GRIN3A: variants seen among roughly 807,000 people sequenced by gnomAD.
The protein encoded by GRIN3A is glutamate receptor ionotropic, NMDA 3A.
In GRIN3A, 47 loss-of-function variants were observed where a neutral mutation model predicts 92.4. That is an observed-to-expected ratio of 0.51 (90% CI 0.40 to 0.65). GRIN3A has a LOEUF of 0.65. Among genes scored for constraint, GRIN3A ranks in the 30% least tolerant of loss-of-function variants. GRIN3A has a pLI of 0.00. For synonymous variants in GRIN3A, 527 were observed against 540.6 expected, an observed-to-expected ratio of 0.97 and a Z score of 0.35; for missense variants, 1,324 against 1,393.1, an observed-to-expected ratio of 0.95 and a Z score of 0.79.
In GRIN3A at chr9:101,573,196, G is replaced by C; in HGVS notation, c.3326C>G (p.Thr1109Arg). The C allele has an allele frequency of 2.5e-6, 4 of 1,614,070 alleles. No individual in the cohort carries two copies. Among genetic ancestry groups the C allele is most frequent in the Non-Finnish European group, 3.4e-6 (4 of 1,179,950 alleles). ...CACCTAGGACTCACAAGTCCGACTT[G>C]TCCTTTGATACTCCTCCAGCTCCGT... ...RKTELEEYQRTSRTCES is the reference protein window; with the variant it reads ...RKTELEEYQRRSRTCES The change falls in exon 9 of 9, where the codon ACA becomes AGA. Residue 1109 changes from threonine to arginine, a missense_variant. Thr to Arg is a moderately conservative substitution (Grantham distance 71, BLOSUM62 -1). Coordinates refer to ENST00000361820, the MANE Select transcript of GRIN3A (RefSeq NM_133445.3).
Position 101,733,755 on chromosome 9 carries a change from A to G in GRIN3A, c.699+3526T>C, listed in dbSNP as rs1010640977. 4.6e-5 allele frequency among the ~76,000 whole-genome samples: 7 copies of G among 152,248 alleles called. No individual in the cohort carries two copies. In the East Asian group the frequency reaches 1.3e-3, roughly 29 times the overall value. Reference sequence around the variant, plus strand: ...TTTAAAACACTTGTATTTCCATGAAAGAAGCATATATTAATTTGTTAGTAC... The same window carrying G: ...TTTAAAACACTTGTATTTCCATGAAGGAAGCATATATTAATTTGTTAGTAC... On this transcript the variant is annotated intron_variant, in intron 1 of 8. Transcript: ENST00000361820.
At chr9:101,731,393 C>T (rs1224682348) in intron 1 of GRIN3A, among the ~76,000 whole-genome samples, 1 of 152,146 alleles carries the variant, frequency 6.6e-6, no homozygotes, top group Admixed American at 6.6e-5. Context: ...ATTATTTAAA[C>T]ATATTTGTGA....
intron 6 of GRIN3A, chr9:101,594,452 A>G (rs1323994048): frequency 1.2e-6 from 2 of 1,613,602 alleles, no homozygotes; most frequent in South Asian, 2.2e-5. Context: ...CAGGTCTCTG[A>G]CCACAGCACT....
chr9:101,728,807 A>G (rs1830106524), intron 1 of GRIN3A, among the ~76,000 whole-genome samples: 2 of 152,192 alleles, frequency 1.3e-5, no homozygotes, highest in Non-Finnish European at 1.5e-5. Context: ...AGAAAGTCCC[A>G]TGAAGTTGTG....
At position 101,737,907 on chromosome 9, in the gene GRIN3A, G is replaced by A; in HGVS notation, c.73C>T (p.Leu25=). Residue 25 remains leucine, a synonymous_variant, in exon 1 of 9, where the codon CTG becomes TTG. Transcript: ENST00000361820. ...LLLPPPCALV[L]AGVPSSSSHP... Reference sequence around the variant, plus strand: ...GAGGAGGAGCTGGGCACCCCGGCCAGCACCAGTGCGCAGGGCGGCGGCAAC... The same window carrying A: ...GAGGAGGAGCTGGGCACCCCGGCCAACACCAGTGCGCAGGGCGGCGGCAAC... The A allele has an allele frequency of 6.5e-7, 1 of 1,535,614 alleles. No homozygotes were observed. Among genetic ancestry groups the A allele is most frequent in the Non-Finnish European group, 8.7e-7 (1 of 1,147,252 alleles).
At chr9:101,633,166 G>A (rs1828736342) in intron 3 of GRIN3A, among the ~76,000 whole-genome samples, 1 of 152,122 alleles carries the variant, frequency 6.6e-6, no homozygotes, top group Admixed American at 6.5e-5. Flanking sequence ...TAGATGTAAT[G>A]TTGCAGATTA....
chr9:101,621,191 A>T (rs1242954483), intron 5 of GRIN3A, among the ~76,000 whole-genome samples: 1 of 151,576 alleles, frequency 6.6e-6, no homozygotes, highest in East Asian at 2.0e-4. Flanking sequence ...AGGCTGAGGC[A>T]TGAGAATCGC....
chr9:101,706,037 TATA>T (rs1248818943), intron 1 of GRIN3A, among the ~76,000 whole-genome samples: 12 of 152,146 alleles, frequency 7.9e-5, no homozygotes, highest in Admixed American at 7.9e-4. Context: ...AATTCATAAT[TATA>T]ATAATAAGTT....
chr9:101,694,473 A>C (rs983481652), intron 1 of GRIN3A, among the ~76,000 whole-genome samples: 6 of 152,124 alleles, frequency 3.9e-5, no homozygotes, highest in Admixed American at 3.3e-4. Flanking sequence ...CTAATCATGG[A>C]CTTTTTTCCC....
intron 3 of GRIN3A, among the ~76,000 whole-genome samples, chr9:101,642,323 A>T (rs372066739): frequency 1.3e-4 from 20 of 152,196 alleles, no homozygotes; most frequent in African/African-American, 4.8e-4. Flanking sequence ...CATTAAAACC[A>T]ACTCAAAATA....
intron 2 of GRIN3A, among the ~76,000 whole-genome samples, chr9:101,678,854 G>A (rs983215671): frequency 6.6e-6 from 1 of 152,076 alleles, no homozygotes; most frequent in African/African-American, 2.4e-5. Context: ...TTCTCTCTGT[G>A]TTTTCTTCTC....
At chr9:101,632,580 T>C (rs891094035) in intron 3 of GRIN3A, among the ~76,000 whole-genome samples, 3 of 152,212 alleles carry the variant, frequency 2.0e-5, no homozygotes, top group African/African-American at 7.2e-5. Context: ...TCCTGCTGTC[T>C]TTTTTCTCCT....
At position 101,572,228 on chromosome 9, in the gene GRIN3A, T is replaced by C. The variant is rs1421045932; in HGVS notation, c.*946A>G. 6.5e-6 allele frequency: 1 copy of C among 152,720 alleles called. No individual in the cohort carries two copies. Among genetic ancestry groups the C allele is most frequent in the African/African-American group, 2.4e-5 (1 of 41,440 alleles). The allele number at this position is 152,720 out of a possible 1,614,324, so 9.5% of individuals were successfully genotyped here. On this transcript the variant is annotated 3_prime_UTR_variant, in exon 9 of 9. Transcript: ENST00000361820. Reference sequence around the variant, plus strand: ...GACTGCTGATCTGAAAATGGCCTAGTGTGTGGTGTGTAGAACATTTCACCC... The same window carrying C: ...GACTGCTGATCTGAAAATGGCCTAGCGTGTGGTGTGTAGAACATTTCACCC...
At chr9:101,604,077 T>C (rs1357201012) in intron 6 of GRIN3A, among the ~76,000 whole-genome samples, 1 of 152,212 alleles carries the variant, frequency 6.6e-6, no homozygotes, top group African/African-American at 2.4e-5. Context: ...TATTCATCTC[T>C]GCATTGGCTG....
chr9:101,617,632 TG>T (rs1462500699), intron 5 of GRIN3A, among the ~76,000 whole-genome samples: 79 of 147,110 alleles, frequency 5.4e-4, no homozygotes, highest in African/African-American at 1.9e-3. Context: ...TTATTTATTT[TG>T]TGTGTGTGTG....
intron 3 of GRIN3A, among the ~76,000 whole-genome samples, chr9:101,638,389 C>T (rs956871295): frequency 1.3e-5 from 2 of 152,192 alleles, no homozygotes; most frequent in African/African-American, 4.8e-5. Context: ...CCCTGGCCTC[C>T]ATGTCTTCTC....
At chr9:101,731,028 C>T (rs1354749857) in intron 1 of GRIN3A, among the ~76,000 whole-genome samples, 1 of 152,068 alleles carries the variant, frequency 6.6e-6, no homozygotes, top group Non-Finnish European at 1.5e-5. Context: ...ATTTTTCTAT[C>T]TTTCTGTGTC....
At chr9:101,684,923 G>A (rs1427576251) in intron 2 of GRIN3A, among the ~76,000 whole-genome samples, 1 of 152,116 alleles carries the variant, frequency 6.6e-6, no homozygotes, top group East Asian at 1.9e-4. Flanking sequence ...TGTTGTAAAG[G>A]AGAATGTTTC....
rs1827736929 is a variant in GRIN3A, at chr9:101,570,012, CAG to C, written c.*3160_*3161del. 3.9e-5 allele frequency: 6 copies of C among 152,282 alleles called. No homozygotes were observed. Among genetic ancestry groups the C allele is most frequent in the African/African-American group, 1.2e-4 (5 of 41,564 alleles). 9.4% of individuals were successfully genotyped at this position (152,282 alleles called of 1,614,324 possible). On this transcript the variant is annotated 3_prime_UTR_variant, in exon 9 of 9. Coordinates refer to ENST00000361820, the MANE Select transcript of GRIN3A (RefSeq NM_133445.3). ...GTGCAATAGCAAGATTCATGAATAG[CAG>C]AGAGTCATCTCCAGGCACATTAAAG... is the stretch of plus-strand genomic sequence containing the variant.
Sources: gnomAD v4.1 joint callset for allele counts (sites outside exome capture counted in the v4.1 genomes callset) on GRCh38, gnomAD v4.1.1 for gene constraint, MANE v1.5 for transcripts, NCBI Gene and HGNC (gene_info 2026-07-23, HGNC 2026-07-21) for gene names.